The following SYNE1 variants were observed in gnomAD, a reference collection of about 807,000 sequenced individuals.
SYNE1 encodes spectrin repeat containing nuclear envelope protein 1, also known as nesprin-1.
Under a neutral mutation model 1,111.0 loss-of-function variants are expected in SYNE1, and 616 were observed. That is an observed-to-expected ratio of 0.55 (90% CI 0.52 to 0.59). The LOEUF (loss-of-function observed/expected upper bound fraction) is 0.59, where lower values mean the gene tolerates loss of function less well. SYNE1 is among the 20% of genes least tolerant of loss of function. SYNE1 has a pLI of 0.00. For synonymous variants in SYNE1, 3,855 were observed against 3,825.8 expected (o/e 1.01, Z -0.28); for missense variants, 10,006 against 10,417.0 (o/e 0.96, Z 1.72).
chr6:152,284,085 C>G lies in SYNE1; in HGVS notation c.18100G>C (p.Glu6034Gln). 3 of 1,614,178 alleles carry G rather than the reference C, an allele frequency of 1.9e-6. No homozygotes were observed. Among genetic ancestry groups the G allele is most frequent in the Non-Finnish European group, 2.5e-6 (3 of 1,180,034 alleles). Residue 6034 changes from glutamate to glutamine, a missense_variant, in exon 96 of 146, where the codon GAG becomes CAG. This residue lies in a region of SYNE1 where 4,955 missense variants were observed against 5,017.2 expected (regional missense o/e 0.99). Coordinates refer to ENST00000367255, the MANE Select transcript of SYNE1 (RefSeq NM_182961.4). ...LAEELVSESC[E>Q]ADPAEQLALQ... is the part of the protein sequence containing the mutation. ...GCCAGCTGCTCCGCAGGGTCGGCCT[C>G]ACAAGACTCGGATACCAGCTCCTCT...
intron 127 of SYNE1, among the ~76,000 whole-genome samples, chr6:152,200,275 C>T (rs2153353925): frequency 6.6e-6 from 1 of 152,300 alleles, no homozygotes; most frequent in South Asian, 2.1e-4. Flanking sequence ...TCAGTTTTCC[C>T]TTCTGAAAAG....
At chr6:152,452,020 A>G (rs965628024) in intron 25 of SYNE1, among the ~76,000 whole-genome samples, 1 of 152,070 alleles carries the variant, frequency 6.6e-6, no homozygotes, top group East Asian at 1.9e-4. Flanking sequence ...AAGAAAAAAA[A>G]AAAGAAAACA....
chr6:152,234,534 C>G, intron 111 of SYNE1, 134 bp downstream of exon 111: 1 of 1,003,994 alleles, frequency 1.0e-6, no homozygotes, highest in South Asian at 1.3e-5. Flanking sequence ...ACCTCGTGAT[C>G]TGACTGCTTG....
At chr6:152,367,159 G>C in intron 62 of SYNE1, 59 bp downstream of exon 62, 1 of 1,608,246 alleles carries the variant, frequency 6.2e-7, no homozygotes, top group Non-Finnish European at 8.5e-7. Context: ...ATGGAGACGG[G>C]AAATTTTGAG....
At position 152,136,634 on chromosome 6, in the gene SYNE1, G is replaced by A. The variant is rs760511446; in HGVS notation, c.25643C>T (p.Ala8548Val). 5 of 1,613,224 alleles carry A rather than the reference G, an allele frequency of 3.1e-6. No individual in the cohort carries two copies. In the South Asian group the frequency reaches 5.5e-5, roughly 18 times the overall value. The part of the protein sequence containing the change: ...LEEWRGLLQD[A>V]LMQCQGFHEM... Reference sequence around the variant, plus strand: ...TCTACAGACCTGGCACTGCATCAGGGCATCCTGCAGCAGGCCCCGCCACTC... The same window carrying A: ...TCTACAGACCTGGCACTGCATCAGGACATCCTGCAGCAGGCCCCGCCACTC... The change falls in exon 141 of 146, where the codon GCC becomes GTC. Residue 8548 changes from alanine (A) to valine (V), a missense_variant. Around this residue, in one of 7 missense-constraint regions of SYNE1, gnomAD observed 761 missense variants for 795.5 expected, o/e 0.96. Transcript: ENST00000367255.
intron 82 of SYNE1, among the ~76,000 whole-genome samples, chr6:152,322,169 T>C (rs2095885009): frequency 6.6e-6 from 1 of 152,236 alleles, no homozygotes; most frequent in South Asian, 2.1e-4. Context: ...CATTATTTAC[T>C]TCCTCTTTGG....
chr6:152,390,509 A>G, intron 52 of SYNE1, 57 bp from the exon 53 acceptor site: 2 of 1,566,732 alleles, frequency 1.3e-6, no homozygotes, highest in Non-Finnish European at 1.7e-6. Context: ...CTTCTATTTT[A>G]AAAAAATGGT....
At position 152,302,079 on chromosome 6, in the gene SYNE1, C is replaced by G. The variant is rs200637611; in HGVS notation, c.17347-16G>C. On this transcript the variant is annotated splice_polypyrimidine_tract_variant and intron_variant, in intron 91 of 145. Transcript: ENST00000367255. Reference sequence around the variant, plus strand: ...GCGCCAGCTCCTGAGGAAACATTTCCCCCACCGGGGTGTCAGAGCAGCATC... The same window carrying G: ...GCGCCAGCTCCTGAGGAAACATTTCGCCCACCGGGGTGTCAGAGCAGCATC... 15 of 1,614,212 alleles carry G rather than the reference C, an allele frequency of 9.3e-6. No homozygotes were observed. The East Asian group carries it at 2.9e-4, about 31-fold the overall frequency.
chr6:152,150,724 G>A (rs967464199), intron 135 of SYNE1, among the ~76,000 whole-genome samples: 2 of 152,086 alleles, frequency 1.3e-5, no homozygotes, highest in African/African-American at 2.4e-5. Flanking sequence ...CCTCCTATTC[G>A]AATTTCTAGC....
chr6:152,423,173 G>C (rs1030224899), intron 39 of SYNE1, among the ~76,000 whole-genome samples: 1 of 152,164 alleles, frequency 6.6e-6, no homozygotes, highest in Non-Finnish European at 1.5e-5. Flanking sequence ...AGCTTTGCTA[G>C]CCAAGCCTCT....
rs2097199888 is a variant in SYNE1, at chr6:152,372,020, T to A, written c.9507+1017A>T. ...GAAAGAATCAAGTAAAACAGATAGA[T>A]ACCTATTCTGAGGGGAACAGCAGAT... On this transcript the variant is annotated intron_variant, in intron 59 of 145. Coordinates refer to ENST00000367255, the MANE Select transcript of SYNE1 (RefSeq NM_182961.4). Among the ~76,000 whole-genome samples, 4 of 152,036 alleles carry A rather than the reference T, an allele frequency of 2.6e-5. No homozygotes were observed. In the South Asian group the frequency reaches 8.3e-4, roughly 32 times the overall value.
chr6:152,306,498 A>ATAAATAAATAAG (rs2095381356), intron 91 of SYNE1, among the ~76,000 whole-genome samples: 2 of 142,454 alleles, frequency 1.4e-5, no homozygotes, highest in South Asian at 4.5e-4. Context: ...AAATAAATAA[A>ATAAATAAATAAG]TAAATAAATA....
chr6:152,174,077 C>G (rs1317964535), intron 130 of SYNE1, among the ~76,000 whole-genome samples: 3 of 152,134 alleles, frequency 2.0e-5, no homozygotes, highest in Non-Finnish European at 4.4e-5. Context: ...TTTAAAATAT[C>G]TTTGACATAG....
At chr6:152,350,400 A>G (rs571181466) in intron 71 of SYNE1, 65 bp from the exon 72 acceptor site, 2 of 1,609,646 alleles carry the variant, frequency 1.2e-6, no homozygotes, top group South Asian at 1.1e-5. Flanking sequence ...ACTGTTTTGT[A>G]TTACAAAAAC....
rs1462187722 is a variant in SYNE1 at position 152,604,180 on chromosome 6, A to ATG, written c.67+24083_67+24084dup. 6.4e-3 allele frequency among the ~76,000 whole-genome samples: 824 copies of ATG among 128,220 alleles called. 7 individuals carry two copies. The highest frequency in any genetic ancestry group is 0.022 in the African/African-American group (717 of 32,126). The allele number at this position is 128,220 out of a possible 152,430, so 84.1% of individuals were successfully genotyped here. ...TTTATATGTGTGTGTGTGTGTGTGT[A>ATG]TGTGTGTGTGTGTGTATGTAGTGGT... On this transcript the variant is annotated intron_variant, in intron 3 of 145. Transcript: ENST00000367255.
Position 152,231,474 on chromosome 6 carries a change from G to A in SYNE1, c.20956C>T (p.Arg6986Cys), listed in dbSNP as rs1259236726. 35 of 1,613,842 alleles carry A rather than the reference G, an allele frequency of 2.2e-5. No individual in the cohort carries two copies. The highest frequency in any genetic ancestry group is 2.8e-5 in the Non-Finnish European group (33 of 1,180,024). ...TCAGCAAAATCAGTCTTATCACTAC[G>A]CTTACTTTCCACATCCTGACTGCTG... ...QISSQDVESK[R>C]SDKTDFAEQL... The change falls in exon 114 of 146, where the codon CGT becomes TGT. Residue 6986 changes from arginine (R) to cysteine (C), a missense_variant. Around this residue, in one of 7 missense-constraint regions of SYNE1, gnomAD observed 2,182 missense variants for 2,287.8 expected, o/e 0.95. Transcript: ENST00000367255.
Position 152,369,046 on chromosome 6 carries a change from C to T in SYNE1, c.9733G>A (p.Ala3245Thr). 6.2e-7 allele frequency: 1 copy of T among 1,614,218 alleles called. No homozygotes were observed. The highest frequency in any genetic ancestry group is 1.1e-5 in the South Asian group (1 of 91,092). The stretch of plus-strand genomic sequence containing the variant: ...CTGTGCCTAAAGCTCTTGCTGGCAG[C>T]TTGTCCTTCCCACAGCTGCTGAGCT... ...EKAQQLWEGQ[A>T]ASKSFRHRVS... The change falls in exon 61 of 146, where the codon GCT becomes ACT. Residue 3245 changes from alanine (A) to threonine (T), a missense_variant. By Grantham distance (58) the Ala-to-Thr change is moderately conservative. Around this residue, in one of 7 missense-constraint regions of SYNE1, gnomAD observed 4,955 missense variants for 5,017.2 expected, o/e 0.99. Transcript: ENST00000367255.
chr6:152,206,314 C>T lies in SYNE1; in HGVS notation c.22873G>A (p.Val7625Met), dbSNP rs749743156. 5 of 1,613,952 alleles carry T rather than the reference C, an allele frequency of 3.1e-6. No homozygotes were observed. The highest frequency in any genetic ancestry group is 1.7e-5 in the Admixed American group (1 of 60,012). Residue 7625 changes from valine to methionine, a missense_variant, in exon 126 of 146, where the codon GTG becomes ATG. Val to Met is a conservative substitution (Grantham distance 21). Transcript: ENST00000367255. Reference protein sequence around the residue: ...LRQQGSYILTVEAGKQLLLSA... With the variant: ...LRQQGSYILTMEAGKQLLLSA... ...AGAAGGAGTTGCTTGCCAGCCTCCA[C>T]AGTCAGGATGTAGCTGCCTTGTTGC...
intron 69 of SYNE1, 24 bp downstream of exon 69, chr6:152,353,239 C>T (rs753585785): frequency 1.2e-6 from 2 of 1,614,040 alleles, no homozygotes; most frequent in South Asian, 1.1e-5. Context: ...AGGTTGGATA[C>T]AAATCTGAAG....
Sources: allele counts gnomAD v4.1 joint callset (sites outside exome capture counted in the v4.1 genomes callset), GRCh38; gene constraint gnomAD v4.1.1; regional missense constraint gnomAD v4.1.1; transcripts MANE v1.5; gene names NCBI Gene and HGNC (gene_info 2026-07-23, HGNC 2026-07-21).